MCF2L2: variants seen among roughly 807,000 people sequenced by gnomAD.
MCF2L2 encodes MCF.2 cell line derived transforming sequence-like 2, also known as probable guanine nucleotide exchange factor MCF2L2.
Under a neutral mutation model 150.2 loss-of-function variants are expected in MCF2L2, and 102 were observed. That is an observed-to-expected ratio of 0.68 (90% CI 0.58 to 0.80). The LOEUF (loss-of-function observed/expected upper bound fraction) is 0.80, where lower values mean the gene tolerates loss of function less well. Among genes scored for constraint, MCF2L2 ranks in the 30% least tolerant of loss-of-function variants. The pLI, the probability that MCF2L2 is intolerant of heterozygous loss-of-function variation, is 0.00. For synonymous variants in MCF2L2, 465 were observed against 491.3 expected (o/e 0.95, Z 0.71); for missense variants, 1,256 against 1,372.8 (o/e 0.91, Z 1.34).
intron 5 of MCF2L2, among the ~76,000 whole-genome samples, chr3:183,325,177 T>G: frequency 6.8e-6 from 1 of 147,716 alleles, no homozygotes; most frequent in African/African-American, 2.5e-5. Flanking sequence ...AAATGACGAG[T>G]TAATGGGTGC....
intron 7 of MCF2L2, among the ~76,000 whole-genome samples, chr3:183,315,303 C>T (rs1560017829): frequency 6.6e-6 from 1 of 151,976 alleles, no homozygotes; most frequent in Non-Finnish European, 1.5e-5. Context: ...ATTTTAAATC[C>T]AAATTCACTT....
intron 5 of MCF2L2, among the ~76,000 whole-genome samples, chr3:183,330,418 G>T (rs1730224586): frequency 6.6e-6 from 1 of 151,994 alleles, no homozygotes. Flanking sequence ...CACATGGCTG[G>T]AATTGCATTT....
At chr3:183,285,904 C>T (rs1577024387) in intron 14 of MCF2L2, among the ~76,000 whole-genome samples, 1 of 152,080 alleles carries the variant, frequency 6.6e-6, no homozygotes, top group African/African-American at 2.4e-5. Context: ...GTTGGCAGCC[C>T]GGGGAAAGCA....
intron 7 of MCF2L2, among the ~76,000 whole-genome samples, chr3:183,315,564 C>T (rs1729571216): frequency 6.6e-6 from 1 of 152,170 alleles, no homozygotes; most frequent in African/African-American, 2.4e-5. Flanking sequence ...AACTATGTGG[C>T]CTCCAAGGTT....
chr3:183,335,611 T>C (rs988698722), intron 5 of MCF2L2, among the ~76,000 whole-genome samples: 13 of 152,044 alleles, frequency 8.6e-5, no homozygotes, highest in Admixed American at 7.9e-4. Context: ...CTCACACCTA[T>C]AATCCCAGCA....
intron 3 of MCF2L2, chr3:183,374,604 G>A (rs2108581311): frequency 6.6e-6 from 1 of 151,144 alleles, no homozygotes; most frequent in Admixed American, 6.6e-5. Flanking sequence ...AGAGGCGGAG[G>A]TTGCAGTGAG....
chr3:183,403,209 T>C (rs7633777), intron 1 of MCF2L2, among the ~76,000 whole-genome samples: 4,214 of 152,162 alleles, frequency 0.028, 81 homozygotes, highest in Non-Finnish European at 0.042. Context: ...GAGGCAGAGG[T>C]TGCAGTGAGC....
intron 15 of MCF2L2, among the ~76,000 whole-genome samples, chr3:183,275,233 T>G (rs1469535764): frequency 6.6e-6 from 1 of 152,216 alleles, no homozygotes; most frequent in Non-Finnish European, 1.5e-5. Context: ...CAACCATGCC[T>G]TGTACAGTGT....
intron 1 of MCF2L2, among the ~76,000 whole-genome samples, chr3:183,404,740 G>A (rs1371236662): frequency 6.6e-6 from 1 of 152,142 alleles, no homozygotes; most frequent in Non-Finnish European, 1.5e-5. Flanking sequence ...GTGGGCGCCT[G>A]TAATCCTAGC....
chr3:183,342,926 A>G (rs1255686176), intron 3 of MCF2L2, among the ~76,000 whole-genome samples: 3 of 152,172 alleles, frequency 2.0e-5, no homozygotes, highest in Non-Finnish European at 4.4e-5. Flanking sequence ...CAAAACCTGC[A>G]GGAAAACATA....
intron 10 of MCF2L2, among the ~76,000 whole-genome samples, chr3:183,306,845 A>T (rs939328997): frequency 2.6e-5 from 4 of 152,166 alleles, no homozygotes; most frequent in Non-Finnish European, 5.9e-5. Flanking sequence ...CCTTATGGGG[A>T]GAGGTCAAGG....
chr3:183,198,414 G>A (rs1285259280), intron 25 of MCF2L2, among the ~76,000 whole-genome samples: 1 of 151,908 alleles, frequency 6.6e-6, no homozygotes, highest in Admixed American at 6.5e-5. Flanking sequence ...GAGATTGGTG[G>A]TCACCTGGGG....
At chr3:183,224,983 T>C (rs1161200329) in intron 18 of MCF2L2, 1 of 152,348 alleles carries the variant, frequency 6.6e-6, no homozygotes, top group East Asian at 1.9e-4. Context: ...TCAGGGAGCC[T>C]GGCCCACAGC....
intron 18 of MCF2L2, chr3:183,224,887 G>C (rs1723288948): frequency 6.6e-6 from 1 of 152,336 alleles, no homozygotes. Context: ...CAAAGACGCT[G>C]AGAGGTGGGC....
intron 10 of MCF2L2, among the ~76,000 whole-genome samples, chr3:183,308,575 G>C (rs972814365): frequency 6.6e-6 from 1 of 152,132 alleles, no homozygotes; most frequent in Non-Finnish European, 1.5e-5. Flanking sequence ...ATGGGGATCT[G>C]GATACACAGC....
chr3:183,343,475 A>C (rs1232751437), intron 3 of MCF2L2, among the ~76,000 whole-genome samples: 1 of 150,264 alleles, frequency 6.7e-6, no homozygotes, highest in African/African-American at 2.5e-5. Flanking sequence ...GGTTCAAGTG[A>C]TTCTCCTACC....
intron 14 of MCF2L2, among the ~76,000 whole-genome samples, chr3:183,288,563 C>A (rs895423819): frequency 6.6e-6 from 1 of 150,540 alleles, no homozygotes; most frequent in Non-Finnish European, 1.5e-5. Context: ...CTCACTGTAA[C>A]CTCCAACTTC....
Position 183,279,758 on chromosome 3 carries a change from T to C in MCF2L2, c.1777-2801A>G, listed in dbSNP as rs543223109. Among the ~76,000 whole-genome samples the C allele has an allele frequency of 1.6e-3, 241 of 152,332 alleles. 4 individuals are homozygous for C. Among genetic ancestry groups the C allele is most frequent in the South Asian group, 7.0e-3 (34 of 4,834 alleles). On this transcript the variant is annotated intron_variant, in intron 14 of 29. Transcript: ENST00000328913. ...TACAAATACAACAATTGGCTGGGCA[T>C]GGTGGCTCACGCCTGTAATCCCAGC...
At chr3:183,316,260 T>C (rs1459838742) in intron 7 of MCF2L2, among the ~76,000 whole-genome samples, 1 of 152,140 alleles carries the variant, frequency 6.6e-6, no homozygotes, top group Non-Finnish European at 1.5e-5. Context: ...TCAGGGAAAA[T>C]TTTCATGATG....
Sources: allele counts gnomAD v4.1 joint callset (sites outside exome capture counted in the v4.1 genomes callset), GRCh38; gene constraint gnomAD v4.1.1; transcripts MANE v1.5; gene names NCBI Gene and HGNC (gene_info 2026-07-23, HGNC 2026-07-21).